Variants in PARD3B observed in about 807,000 individuals in gnomAD.
PARD3B encodes the protein partitioning defective 3 homolog B.
A neutral mutation model predicts 130.2 loss-of-function variants in PARD3B; 103 were observed. That is an observed-to-expected ratio of 0.79 (90% CI 0.67 to 0.93). The LOEUF (loss-of-function observed/expected upper bound fraction) is 0.93, where lower values mean the gene tolerates loss of function less well. PARD3B is among the 40% of genes least tolerant of loss of function. The probability of loss-of-function intolerance (pLI) is 0.00; values close to 1 mark genes in which losing one functional copy is unlikely to be tolerated. For missense variants in PARD3B, 1,609 were observed against 1,499.2 expected (o/e 1.07, Z -1.21); for synonymous variants, 583 against 553.2 (o/e 1.05, Z -0.76).
At chr2:205,085,361 C>T (rs977385812) in intron 4 of PARD3B, among the ~76,000 whole-genome samples, 29 of 151,840 alleles carry the variant, frequency 1.9e-4, no homozygotes, top group African/African-American at 5.8e-4. Context: ...TCAGTGATCA[C>T]TGGTTTTATT....
At chr2:204,837,032 T>C (rs1490103219) in intron 2 of PARD3B, among the ~76,000 whole-genome samples, 3 of 152,180 alleles carry the variant, frequency 2.0e-5, no homozygotes, top group Admixed American at 2.0e-4. Context: ...AAATCACACT[T>C]TTGATACCCA....
chr2:205,054,404 T>TATA lies in PARD3B; in HGVS notation c.504+6714_504+6715insATA. ...TAACAAGGTAACCATGACATGTCTT[T>TATA]TATATATATATATATATATATATAT... is the stretch of plus-strand genomic sequence containing the variant. On this transcript the variant is annotated intron_variant, in intron 4 of 22. Coordinates refer to ENST00000406610, the MANE Select transcript of PARD3B (RefSeq NM_001302769.2). Among the ~76,000 whole-genome samples the TATA allele has an allele frequency of 4.0e-3, 134 of 33,772 alleles. 2 individuals are homozygous for TATA. The highest frequency in any genetic ancestry group is 6.6e-3 in the Non-Finnish European group (113 of 17,016). The allele number at this position is 33,772 out of a possible 152,430, so 22.2% of individuals were successfully genotyped here. A position where few individuals can be genotyped will look rare whatever the true frequency, so the allele number is the denominator to read the frequency against.
At chr2:205,209,817 G>A (rs534940627) in intron 15 of PARD3B, among the ~76,000 whole-genome samples, 1 of 152,016 alleles carries the variant, frequency 6.6e-6, no homozygotes, top group South Asian at 2.1e-4. Flanking sequence ...AAATTAGAAT[G>A]AATGAATAAG....
chr2:204,564,069 C>T (rs548403594), intron 1 of PARD3B, among the ~76,000 whole-genome samples: 5 of 152,214 alleles, frequency 3.3e-5, no homozygotes, highest in South Asian at 2.1e-4. Context: ...CCACTGCGCC[C>T]GGCCAGTGGT....
intron 21 of PARD3B, among the ~76,000 whole-genome samples, chr2:205,507,683 A>C (rs960598429): frequency 6.6e-6 from 1 of 152,168 alleles, no homozygotes; most frequent in Non-Finnish European, 1.5e-5. Flanking sequence ...GCACAATTAC[A>C]AACTGTCTAC....
At chr2:205,436,381 C>G (rs774076575) in intron 19 of PARD3B, among the ~76,000 whole-genome samples, 5 of 152,128 alleles carry the variant, frequency 3.3e-5, no homozygotes, top group African/African-American at 7.2e-5. Context: ...CATATTCCCT[C>G]TATGTTTTCA....
At chr2:205,327,953 T>G (rs1481851086) in intron 18 of PARD3B, among the ~76,000 whole-genome samples, 1 of 152,192 alleles carries the variant, frequency 6.6e-6, no homozygotes, top group Non-Finnish European at 1.5e-5. Context: ...AGCTCATTTA[T>G]AAAGAATGGA....
chr2:205,150,282 A>G (rs2033667699), intron 10 of PARD3B, among the ~76,000 whole-genome samples: 1 of 147,432 alleles, frequency 6.8e-6, no homozygotes, highest in African/African-American at 2.5e-5. Flanking sequence ...GTGAGTGGAA[A>G]GAGCTGTTGC....
Position 204,545,905 on chromosome 2 carries a change from G to A in PARD3B, c.-95G>A. On this transcript the variant is annotated 5_prime_UTR_variant, in exon 1 of 23. Coordinates refer to ENST00000406610, the MANE Select transcript of PARD3B (RefSeq NM_001302769.2). Reference sequence around the variant, plus strand: ...GGGGAGCGGCGCCCCGGGTCTCTGGGCCCACCCGCCCCGGGCGTCCTCCGA... The same window carrying A: ...GGGGAGCGGCGCCCCGGGTCTCTGGACCCACCCGCCCCGGGCGTCCTCCGA... 1 of 1,369,230 alleles carries A rather than the reference G, an allele frequency of 7.3e-7. No homozygotes were observed. Among genetic ancestry groups the A allele is most frequent in the Non-Finnish European group, 9.5e-7 (1 of 1,050,602 alleles). The allele number at this position is 1,369,230 out of a possible 1,614,324, so 84.8% of individuals were successfully genotyped here. A position where few individuals can be genotyped will look rare whatever the true frequency, so the allele number is the denominator to read the frequency against.
intron 22 of PARD3B, among the ~76,000 whole-genome samples, chr2:205,608,512 T>G (rs2055102995): frequency 6.6e-6 from 1 of 152,218 alleles, no homozygotes; most frequent in Non-Finnish European, 1.5e-5. Context: ...CATGACTGTT[T>G]TTTGTGGCCG....
chr2:205,295,200 T>C (rs1330903306), intron 16 of PARD3B, among the ~76,000 whole-genome samples: 2 of 152,206 alleles, frequency 1.3e-5, no homozygotes, highest in African/African-American at 2.4e-5. Context: ...AATTTTGTAT[T>C]CAAAGAGTTT....
intron 19 of PARD3B, among the ~76,000 whole-genome samples, chr2:205,411,893 A>G (rs2046611349): frequency 6.6e-6 from 1 of 152,096 alleles, no homozygotes; most frequent in African/African-American, 2.4e-5. Context: ...ATTCAGGGAG[A>G]AGGGACACAA....
chr2:205,459,839 T>C (rs751590583), intron 20 of PARD3B, among the ~76,000 whole-genome samples: 7 of 152,216 alleles, frequency 4.6e-5, no homozygotes, highest in Non-Finnish European at 1.0e-4. Context: ...GCTAATCTGG[T>C]GGTGGTCAAC....
chr2:205,449,412 G>A (rs575325897), intron 20 of PARD3B, among the ~76,000 whole-genome samples: 2 of 151,828 alleles, frequency 1.3e-5, no homozygotes, highest in African/African-American at 4.8e-5. Flanking sequence ...TGTATTTTTA[G>A]TAGAGGCAGG....
At chr2:204,840,803 A>G (rs1443225053) in intron 2 of PARD3B, among the ~76,000 whole-genome samples, 1 of 152,206 alleles carries the variant, frequency 6.6e-6, no homozygotes, top group East Asian at 1.9e-4. Flanking sequence ...ACACTTTCAC[A>G]TACCTTTTAC....
At chr2:205,104,367 T>G in intron 4 of PARD3B, 59 bp from the exon 5 acceptor site, 1 of 1,241,948 alleles carries the variant, frequency 8.1e-7, no homozygotes, top group Non-Finnish European at 1.2e-6. Context: ...GGATATTTTA[T>G]TCAGATTTTC....
At chr2:204,839,340 C>T (rs894675831) in intron 2 of PARD3B, among the ~76,000 whole-genome samples, 1 of 152,136 alleles carries the variant, frequency 6.6e-6, no homozygotes, top group Non-Finnish European at 1.5e-5. Flanking sequence ...ATTTTGTAGA[C>T]ATTTTGTTGA....
chr2:204,894,873 C>T (rs2046586111), intron 2 of PARD3B, among the ~76,000 whole-genome samples: 1 of 151,762 alleles, frequency 6.6e-6, no homozygotes, highest in Non-Finnish European at 1.5e-5. Flanking sequence ...AAAAGAATGC[C>T]TTTGGTCCAT....
chr2:205,113,524 A>C lies in PARD3B; in HGVS notation c.627A>C (p.Glu209Asp), dbSNP rs377189435. ...DMTRTVEISG[E>D]GGPLGIHVVP... is the part of the protein sequence containing the mutation. ...CAAGAACAGTGGAGATTTCTGGGGAAGGAGGCCCATTGGGAATACATGTAG... is the reference window on the plus strand; with the variant it reads ...CAAGAACAGTGGAGATTTCTGGGGACGGAGGCCCATTGGGAATACATGTAG... The change falls in exon 6 of 23, where the codon GAA becomes GAC. Residue 209 changes from glutamate to aspartate, a missense_variant. Transcript: ENST00000406610. 1 of 1,613,252 alleles carries C rather than the reference A, an allele frequency of 6.2e-7. No individual in the cohort carries two copies. Among genetic ancestry groups the C allele is most frequent in the Non-Finnish European group, 8.5e-7 (1 of 1,179,594 alleles).
Sources: allele counts gnomAD v4.1 joint callset (sites outside exome capture counted in the v4.1 genomes callset), GRCh38; gene constraint gnomAD v4.1.1; transcripts MANE v1.5; gene names NCBI Gene and HGNC (gene_info 2026-07-23, HGNC 2026-07-21).